CELSR1: variants seen among roughly 807,000 people sequenced by gnomAD.
CELSR1 encodes the protein cadherin EGF LAG seven-pass G-type receptor 1.
A neutral mutation model predicts 249.1 loss-of-function variants in CELSR1; 110 were observed. The observed-to-expected ratio is 0.44, with a 90% CI of 0.38 to 0.52. The LOEUF (loss-of-function observed/expected upper bound fraction) is 0.52, where lower values mean the gene tolerates loss of function less well. Among genes scored for constraint, CELSR1 ranks in the 20% least tolerant of loss-of-function variants. The pLI is 0.00. For synonymous variants in CELSR1, 2,113 were observed against 1,900.0 expected, an observed-to-expected ratio of 1.11 and a Z score of -2.92; for missense variants, 4,109 against 4,296.4, an observed-to-expected ratio of 0.96 and a Z score of 1.22.
In CELSR1 at chr22:46,516,948, C is replaced by T. The variant is rs182413622; in HGVS notation, c.3544+16679G>A. 2.8e-4 allele frequency among the ~76,000 whole-genome samples: 43 copies of T among 152,324 alleles called. No individual in the cohort carries two copies. The South Asian group carries it at 4.8e-3, about 17-fold the overall frequency. ...CAGAATCCCACCTAAACCAGTGTCA[C>T]GGCTGGCAAAGCCATGGGATGCCCT... On this transcript the variant is annotated intron_variant, in intron 1 of 34. Coordinates refer to ENST00000674500, the MANE Select transcript of CELSR1 (RefSeq NM_001378328.1).
intron 28 of CELSR1, 97 bp from the exon 29 acceptor site, chr22:46,367,215 C>G: frequency 6.9e-7 from 1 of 1,454,872 alleles, no homozygotes. Flanking sequence ...CTTGAGTGCA[C>G]ACAACATGTC....
Position 46,365,373 on chromosome 22 carries a change from A to G in CELSR1, c.8412T>C (p.Asp2804=). 1 of 1,612,726 alleles carries G rather than the reference A, an allele frequency of 6.2e-7. No individual in the cohort carries two copies. The highest frequency in any genetic ancestry group is 1.3e-5 in the African/African-American group (1 of 75,048). ...GGGACAGCTCGCTATCTGAGTCGGA[A>G]TCGTGGCCTGTGGATGCGCGGGGGA... ...PRSCKDPPGH[D]SDSDSELSLD... The change falls in exon 32 of 35, where the codon GAT becomes GAC. Residue 2804 remains aspartate (D), a synonymous_variant. Coordinates refer to ENST00000674500, the MANE Select transcript of CELSR1 (RefSeq NM_001378328.1).
intron 24 of CELSR1, among the ~76,000 whole-genome samples, chr22:46,373,728 A>G (rs1480258623): frequency 1.5e-5 from 2 of 136,612 alleles, no homozygotes; most frequent in Admixed American, 7.0e-5. Flanking sequence ...AGATGGGAGC[A>G]ATGGGAGCAA....
Position 46,417,606 on chromosome 22 carries a change from G to A in CELSR1, c.4612-5847C>T, listed in dbSNP as rs1159670876. 2.0e-5 allele frequency among the ~76,000 whole-genome samples: 3 copies of A among 152,210 alleles called. No homozygotes were observed. Among genetic ancestry groups the A allele is most frequent in the East Asian group, 1.9e-4 (1 of 5,196 alleles). Reference sequence around the variant, plus strand: ...GGAGGGCAGCTCCACACTATCCCAGGTTGTAAGGGGAACTCAAGTTCCTCT... The same window carrying A: ...GGAGGGCAGCTCCACACTATCCCAGATTGTAAGGGGAACTCAAGTTCCTCT... On this transcript the variant is annotated intron_variant, in intron 5 of 34. Coordinates refer to ENST00000674500, the MANE Select transcript of CELSR1 (RefSeq NM_001378328.1). The surrounding 1 kb of genome is among the most constrained non-coding windows in gnomAD (Gnocchi z 4.1).
rs2079270135 is a variant in CELSR1 at position 46,406,728 on chromosome 22, G to A, written c.5226+2268C>T. Among the ~76,000 whole-genome samples the A allele has an allele frequency of 6.6e-6, 1 of 152,196 alleles. No individual in the cohort carries two copies. The highest frequency in any genetic ancestry group is 1.5e-5 in the Non-Finnish European group (1 of 68,040). On this transcript the variant is annotated intron_variant, in intron 9 of 34. Coordinates refer to ENST00000674500, the MANE Select transcript of CELSR1 (RefSeq NM_001378328.1). This position sits in a 1 kb window ranked among gnomAD's most constrained non-coding sequence, Gnocchi z 5.4. ...AACCTGGGCAGGAAAAGAACCATAG[G>A]GTCCCTAGTGAAGAGCCTCTACGCC... is the stretch of plus-strand genomic sequence containing the variant.
At position 46,434,969 on chromosome 22, in the gene CELSR1, C is replaced by G. The variant is rs1388354949; in HGVS notation, c.4522+1205G>C. Among the ~76,000 whole-genome samples the G allele has an allele frequency of 1.3e-5, 2 of 151,758 alleles. No homozygotes were observed. Among genetic ancestry groups the G allele is most frequent in the Admixed American group, 6.6e-5 (1 of 15,220 alleles). On this transcript the variant is annotated intron_variant, in intron 4 of 34. Coordinates refer to ENST00000674500, the MANE Select transcript of CELSR1 (RefSeq NM_001378328.1). The surrounding 1 kb of genome is among the most constrained non-coding windows in gnomAD (Gnocchi z 4.9). The stretch of plus-strand genomic sequence containing the variant: ...CCAATATTGCACCACTGCACTCCAG[C>G]CTGGGTGAAAGAGTAAGACTTTGTC...
At chr22:46,369,333 C>A in intron 26 of CELSR1, 75 bp from the exon 27 acceptor site, 1 of 1,299,060 alleles carries the variant, frequency 7.7e-7, no homozygotes, top group Non-Finnish European at 1.1e-6. Flanking sequence ...GCGCCTGAGG[C>A]CCTTCGCCCT....
At chr22:46,466,125 A>G (rs1218048787) in intron 1 of CELSR1, among the ~76,000 whole-genome samples, 1 of 152,204 alleles carries the variant, frequency 6.6e-6, no homozygotes, top group Non-Finnish European at 1.5e-5. Context: ...GCGTCCGCAG[A>G]GCCCAGAGGC....
In CELSR1 at chr22:46,536,691, C is replaced by T; in HGVS notation, c.480G>A (p.Pro160=). Residue 160 remains proline, a synonymous_variant, in exon 1 of 35, where the codon CCG becomes CCA. Coordinates refer to ENST00000674500, the MANE Select transcript of CELSR1 (RefSeq NM_001378328.1). ...GGCCGGGACAGCGGGGCCTGGGGCG[C>T]GGCGGGCAGCGGCAGGCGGGTAAGG... The part of the protein sequence containing the change: ...PTTLPACRCP[P]RPRPRCPGRP... 8.7e-7 allele frequency: 1 copy of T among 1,152,046 alleles called. No individual in the cohort carries two copies. The highest frequency in any genetic ancestry group is 1.1e-6 in the Non-Finnish European group (1 of 939,410). 71.4% of individuals were successfully genotyped at this position (1,152,046 alleles called of 1,614,324 possible).
chr22:46,534,683 C>T lies in CELSR1; in HGVS notation c.2488G>A (p.Asp830Asn). ...ENARITYVIQ[D>N]PVPQFRIDPD... ...TCAATGCGGAACTGCGGCACGGGGT[C>T]CTGAATCACGTAGGTGATGCGGGCA... Residue 830 changes from aspartate to asparagine, a missense_variant, in exon 1 of 35, where the codon GAC becomes AAC. Transcript: ENST00000674500. The surrounding 1 kb of genome is among the most constrained non-coding windows in gnomAD (Gnocchi z 9.7). The T allele has an allele frequency of 6.2e-7, 1 of 1,613,676 alleles. No homozygotes were observed. The highest frequency in any genetic ancestry group is 1.3e-5 in the African/African-American group (1 of 75,040).
At position 46,433,350 on chromosome 22, in the gene CELSR1, G is replaced by C. The variant is rs376345280; in HGVS notation, c.4611+43C>G. ...GCGCCTCGCCCCAGGGCACCTTCTC[G>C]AGCCGCCCTGGGGCCAGGGGGAAGT... On this transcript the variant is annotated intron_variant, in intron 5 of 34. Transcript: ENST00000674500. The surrounding 1 kb of genome is among the most constrained non-coding windows in gnomAD (Gnocchi z 5.7). 1.3e-6 allele frequency: 2 copies of C among 1,534,724 alleles called. No homozygotes were observed. The highest frequency in any genetic ancestry group is 1.8e-6 in the Non-Finnish European group (2 of 1,116,348).
In CELSR1 at chr22:46,536,784, CCCGCAGAGCCGGGCACCGGTT is replaced by C. The variant is rs969947703; in HGVS notation, c.366_386del (p.Thr123_Gly129del). The C allele has an allele frequency of 6.6e-5, 78 of 1,187,420 alleles. No individual in the cohort carries two copies. Among genetic ancestry groups the C allele is most frequent in the Admixed American group, 6.1e-4 (13 of 21,460 alleles). 73.6% of individuals were successfully genotyped at this position (1,187,420 alleles called of 1,614,324 possible). On this transcript the variant is annotated inframe_deletion, in exon 1 of 35. Transcript: ENST00000674500. ...CGCCGGGGACGGGGAAGCAGAGCGCCCCGCAGAGCCGGGCACCGGTTCCGCAGAGCCGGGCACGGGCTCCGC... is the reference window on the plus strand; with the variant it reads ...CGCCGGGGACGGGGAAGCAGAGCGCCCCGCAGAGCCGGGCACGGGCTCCGC...
chr22:46,535,699 T>C lies in CELSR1; in HGVS notation c.1472A>G (p.Asn491Ser). The change falls in exon 1 of 35, where the codon AAC becomes AGC. Residue 491 changes from asparagine (N) to serine (S), a missense_variant. Transcript: ENST00000674500. Reference protein sequence around the residue: ...VQATDRDQGQNAAIHYSILSG... With the variant: ...VQATDRDQGQSAAIHYSILSG... ...GAGGATGCTGTAGTGAATGGCCGCG[T>C]TCTGGCCCTGGTCCCGGTCCGTGGC... 1 of 1,612,978 alleles carries C rather than the reference T, an allele frequency of 6.2e-7. No homozygotes were observed. The highest frequency in any genetic ancestry group is 8.5e-7 in the Non-Finnish European group (1 of 1,180,010).
At chr22:46,383,920 C>T (rs2147227237) in intron 20 of CELSR1, among the ~76,000 whole-genome samples, 1 of 152,234 alleles carries the variant, frequency 6.6e-6, no homozygotes, top group Non-Finnish European at 1.5e-5. Context: ...AATTACATGG[C>T]TGAGTATCCC....
Position 46,513,917 on chromosome 22 carries a change from C to CT in CELSR1, c.3544+19709_3544+19710insA, listed in dbSNP as rs557881432. Among the ~76,000 whole-genome samples the CT allele has an allele frequency of 5.1e-3, 775 of 152,096 alleles. 3 individuals carry two copies. Among genetic ancestry groups the CT allele is most frequent in the Non-Finnish European group, 6.3e-3 (431 of 67,992 alleles). The stretch of plus-strand genomic sequence containing the variant: ...ACGCCATTCTCCTGCCTCAGCCCCC[C>CT]CCGAGTAGCTGGGACTACAGGTGCA... On this transcript the variant is annotated intron_variant, in intron 1 of 34. Transcript: ENST00000674500.
In CELSR1 at chr22:46,448,069, C is replaced by T. The variant is rs972136484; in HGVS notation, c.4184-8658G>A. On this transcript the variant is annotated intron_variant, in intron 2 of 34. Coordinates refer to ENST00000674500, the MANE Select transcript of CELSR1 (RefSeq NM_001378328.1). The surrounding 1 kb of genome is among the most constrained non-coding windows in gnomAD (Gnocchi z 5.7). The stretch of plus-strand genomic sequence containing the variant: ...TGCCCTGCCTGCCCAGAGACCCTAG[C>T]ACCAAAGCCATCAACCCTTGGCCTA... Among the ~76,000 whole-genome samples, 1 of 152,210 alleles carries T rather than the reference C, an allele frequency of 6.6e-6. No homozygotes were observed. Among genetic ancestry groups the T allele is most frequent in the African/African-American group, 2.4e-5 (1 of 41,450 alleles).
At position 46,534,905 on chromosome 22, in the gene CELSR1, G is replaced by A; in HGVS notation, c.2266C>T (p.Gln756Ter). 6.2e-7 allele frequency: 1 copy of A among 1,612,538 alleles called. No homozygotes were observed. The highest frequency in any genetic ancestry group is 8.5e-7 in the Non-Finnish European group (1 of 1,180,012). ...LALPLDYKQE[Q>*]QYVLAVTASD... The stretch of plus-strand genomic sequence containing the variant: ...GCTGTCACCGCCAGCACGTACTGCT[G>A]CTCCTGCTTGTAGTCCAGAGGTAGC... Residue 756 changes from glutamine (Q) to a stop codon, truncating the protein, a stop_gained, in exon 1 of 35, where the codon CAG becomes TAG. Coordinates refer to ENST00000674500, the MANE Select transcript of CELSR1 (RefSeq NM_001378328.1). LOFTEE classifies it high-confidence loss of function. This position sits in a 1 kb window ranked among gnomAD's most constrained non-coding sequence, Gnocchi z 9.7.
rs2079657168 is a variant in CELSR1 at position 46,436,101 on chromosome 22, G to T, written c.4522+73C>A. ...TAAGCAGCTTGGAGGCGCTGCACAG[G>T]GCGAGGGTCGTTTTAACCCACAAAG... On this transcript the variant is annotated intron_variant, in intron 4 of 34. Transcript: ENST00000674500. The surrounding 1 kb of genome is among the most constrained non-coding windows in gnomAD (Gnocchi z 5.9). The T allele has an allele frequency of 7.6e-6, 9 of 1,180,418 alleles. No individual in the cohort carries two copies. The highest frequency in any genetic ancestry group is 1.3e-5 in the South Asian group (1 of 78,994). The allele number at this position is 1,180,418 out of a possible 1,614,324, so 73.1% of individuals were successfully genotyped here.
intron 5 of CELSR1, among the ~76,000 whole-genome samples, chr22:46,421,136 C>G (rs745444859): frequency 9.2e-5 from 14 of 152,342 alleles, no homozygotes; most frequent in Non-Finnish European, 1.3e-4. Flanking sequence ...GGGGGACACA[C>G]ATGAGCCTGG....
Sources: gnomAD v4.1 joint callset for allele counts (sites outside exome capture counted in the v4.1 genomes callset) on GRCh38, gnomAD v4.1.1 for gene constraint, Gnocchi (gnomAD v3.1) non-coding constraint, MANE v1.5 for transcripts, NCBI Gene and HGNC (gene_info 2026-07-23, HGNC 2026-07-21) for gene names.